Variants in KCTD21 observed in about 807,000 individuals in gnomAD.
The protein encoded by KCTD21 is BTB/POZ domain-containing protein KCTD21.
KCTD21 carries 9 observed loss-of-function variants against 13.2 expected under a neutral mutation model. The ratio of observed to expected loss-of-function variants is 0.68; its 90% CI spans 0.41 to 1.19. The LOEUF (loss-of-function observed/expected upper bound fraction) is 1.19. Ranked by LOEUF, KCTD21 falls within the 50% of genes most tolerant of loss-of-function variation. The pLI is 0.01. For synonymous variants in KCTD21, 142 were observed against 137.4 expected (o/e 1.03, Z -0.23); for missense variants, 303 against 336.5 (o/e 0.90, Z 0.78).
intron 1 of KCTD21, chr11:78,188,104 G>A (rs926887894): frequency 8.1e-6 from 8 of 985,264 alleles, no homozygotes; most frequent in Non-Finnish European, 9.6e-6. Context: ...CCGGCCCAGG[G>A]CTCTCCAGAG....
At chr11:78,186,577 A>G (rs1201783836) in intron 1 of KCTD21, 1 of 454,054 alleles carries the variant, frequency 2.2e-6, no homozygotes, top group Non-Finnish European at 2.9e-6. Flanking sequence ...CAACGGCAAT[A>G]ATAATGGCTA....
chr11:78,186,371 C>CAAAAAAAAAAAA lies in KCTD21; in HGVS notation c.-30+2190_-30+2201dup, dbSNP rs57748403. 5.5e-4 allele frequency among the ~76,000 whole-genome samples: 25 copies of CAAAAAAAAAAAA among 45,814 alleles called. 3 individuals are homozygous for CAAAAAAAAAAAA. The highest frequency in any genetic ancestry group is 1.2e-3 in the African/African-American group (14 of 11,680). The allele number at this position is 45,814 out of a possible 152,430, so 30.1% of individuals were successfully genotyped here. A position where few individuals can be genotyped will look rare whatever the true frequency, so the allele number is the denominator to read the frequency against. On this transcript the variant is annotated intron_variant, in intron 1 of 1. Coordinates refer to ENST00000340067, the MANE Select transcript of KCTD21 (RefSeq NM_001029859.3). Reference sequence around the variant, plus strand: ...TGGGCAACAGAGTAAGACCCTGTCTCAAAAAAAAAAAAAAAAAAAAAAAAA... The same window carrying CAAAAAAAAAAAA: ...TGGGCAACAGAGTAAGACCCTGTCTCAAAAAAAAAAAAAAAAAAAAAAAAAAAAAAAAAAAAA...
Position 78,173,519 on chromosome 11 carries a change from A to G in KCTD21, c.*253T>C. 4.3e-6 allele frequency: 2 copies of G among 466,148 alleles called. No homozygotes were observed. The highest frequency in any genetic ancestry group is 7.7e-6 in the Non-Finnish European group (2 of 258,648). The allele number at this position is 466,148 out of a possible 1,614,324, so 28.9% of individuals were successfully genotyped here. A position where few individuals can be genotyped will look rare whatever the true frequency, so the allele number is the denominator to read the frequency against. ...ATCCTCCTATGGCCTCCTTTAGTACACATCAGCTGACTCTTCACTTGTCAT... is the reference window on the plus strand; with the variant it reads ...ATCCTCCTATGGCCTCCTTTAGTACGCATCAGCTGACTCTTCACTTGTCAT... On this transcript the variant is annotated 3_prime_UTR_variant, in exon 2 of 2. Transcript: ENST00000340067.
chr11:78,180,128 C>T (rs1159160455), intron 1 of KCTD21, among the ~76,000 whole-genome samples: 3 of 152,172 alleles, frequency 2.0e-5, no homozygotes, highest in African/African-American at 7.2e-5. Flanking sequence ...AAAATCTTTG[C>T]AACTGTGGAT....
In KCTD21 at chr11:78,174,525, C is replaced by T; in HGVS notation, c.30G>A (p.Gly10=). 1 of 1,613,290 alleles carries T rather than the reference C, an allele frequency of 6.2e-7. No homozygotes were observed. Residue 10 remains glycine, a synonymous_variant, in exon 2 of 2, where the codon GGG becomes GGA. Coordinates refer to ENST00000340067, the MANE Select transcript of KCTD21 (RefSeq NM_001029859.3). MSDPITLNV[G]GKLYTTSLAT... is the part of the protein sequence containing the mutation. ...CCAGTGAGGTTGTATAGAGCTTCCC[C>T]CCGACGTTCAGCGTGATGGGGTCGG...
intron 1 of KCTD21, chr11:78,187,134 G>A: frequency 1.0e-6 from 1 of 985,386 alleles, no homozygotes; most frequent in Non-Finnish European, 1.2e-6. Context: ...GCACGTGGCT[G>A]GGTAAATTTC....
chr11:78,173,873 G>A lies in KCTD21; in HGVS notation c.682C>T (p.Leu228=). 1 of 1,614,174 alleles carries A rather than the reference G, an allele frequency of 6.2e-7. No individual in the cohort carries two copies. The highest frequency in any genetic ancestry group is 8.5e-7 in the Non-Finnish European group (1 of 1,180,040). The part of the protein sequence containing the change: ...NSFQVFVEEV[L]KIALSDGFCI... Reference sequence around the variant, plus strand: ...AAGCCATCGCTCAGAGCGATTTTCAGTACCTCTTCCACGAAGACCTGGAAG... The same window carrying A: ...AAGCCATCGCTCAGAGCGATTTTCAATACCTCTTCCACGAAGACCTGGAAG... The change falls in exon 2 of 2, where the codon CTG becomes TTG. Residue 228 remains leucine, a synonymous_variant. Coordinates refer to ENST00000340067, the MANE Select transcript of KCTD21 (RefSeq NM_001029859.3).
intron 1 of KCTD21, chr11:78,186,770 G>T (rs1245899122): frequency 2.0e-6 from 2 of 985,472 alleles, no homozygotes; most frequent in Non-Finnish European, 2.4e-6. Context: ...CAAATCCCAT[G>T]CATCGGCCAG....
intron 1 of KCTD21, among the ~76,000 whole-genome samples, chr11:78,179,372 A>T (rs1213549261): frequency 5.9e-5 from 9 of 151,292 alleles, no homozygotes; most frequent in Non-Finnish European, 4.4e-5. Flanking sequence ...CCTAGTCAAG[A>T]CCCTCCACCA....
In KCTD21 at chr11:78,174,289, A is replaced by G. The variant is rs1862378492; in HGVS notation, c.266T>C (p.Val89Ala). 1 of 1,613,948 alleles carries G rather than the reference A, an allele frequency of 6.2e-7. No homozygotes were observed. The highest frequency in any genetic ancestry group is 1.3e-5 in the African/African-American group (1 of 74,898). Residue 89 changes from valine (V) to alanine (A), a missense_variant, in exon 2 of 2, where the codon GTG becomes GCG. Transcript: ENST00000340067. The part of the protein sequence containing the change: ...LLRREADFYQ[V>A]QPLIEALQEK... Reference sequence around the variant, plus strand: ...CTGCAGGGCCTCAATCAGGGGCTGCACCTGGTAGAAGTCGGCCTCCCTGCG... The same window carrying G: ...CTGCAGGGCCTCAATCAGGGGCTGCGCCTGGTAGAAGTCGGCCTCCCTGCG...
intron 1 of KCTD21, chr11:78,188,216 C>T (rs1024130366): frequency 4.1e-6 from 4 of 984,714 alleles, no homozygotes; most frequent in African/African-American, 3.5e-5. Flanking sequence ...AGCCCTACAG[C>T]CCCCACTCCG....
At chr11:78,179,287 G>C (rs1353734161) in intron 1 of KCTD21, among the ~76,000 whole-genome samples, 5 of 151,592 alleles carry the variant, frequency 3.3e-5, no homozygotes, top group Non-Finnish European at 7.4e-5. Context: ...TGCCCATCCA[G>C]GCCTCCCAAA....
chr11:78,176,660 A>T (rs992615106), intron 1 of KCTD21, among the ~76,000 whole-genome samples: 2 of 152,204 alleles, frequency 1.3e-5, no homozygotes, highest in Non-Finnish European at 2.9e-5. Context: ...GACAGGTAGA[A>T]GATGTGGGAG....
chr11:78,173,547 T>C lies in KCTD21; in HGVS notation c.*225A>G, dbSNP rs1862345826. 1.5e-5 allele frequency: 8 copies of C among 534,944 alleles called. No homozygotes were observed. 33.1% of individuals were successfully genotyped at this position (534,944 alleles called of 1,614,324 possible). A position where few individuals can be genotyped will look rare whatever the true frequency, so the allele number is the denominator to read the frequency against. On this transcript the variant is annotated 3_prime_UTR_variant, in exon 2 of 2. Transcript: ENST00000340067. ...TCAGCTGACTCTTCACTTGTCATAATAAACCGCCTGTCTGCAGCTCAAAAT... is the reference window on the plus strand; with the variant it reads ...TCAGCTGACTCTTCACTTGTCATAACAAACCGCCTGTCTGCAGCTCAAAAT...
At chr11:78,188,120 C>T in intron 1 of KCTD21, 2 of 985,428 alleles carry the variant, frequency 2.0e-6, no homozygotes, top group South Asian at 9.4e-5. Context: ...CAGAGCGGGG[C>T]AAGTTCCCTG....
chr11:78,182,229 T>C (rs560186), intron 1 of KCTD21, among the ~76,000 whole-genome samples: 23,973 of 151,932 alleles, frequency 0.16, 2,031 homozygotes, highest in African/African-American at 0.2. Flanking sequence ...TAGGTGGAGG[T>C]TGCAGTGAGC....
In KCTD21 at chr11:78,187,863, G is replaced by A. The variant is rs900592632; in HGVS notation, c.-30+710C>T. On this transcript the variant is annotated intron_variant, in intron 1 of 1. Coordinates refer to ENST00000340067, the MANE Select transcript of KCTD21 (RefSeq NM_001029859.3). ...CCCCGAGTGCAGGGAGAAAAGCAAG[G>A]TCTTTGAAGTAAGGAGTCCTGAGTG... The A allele has an allele frequency of 7.1e-6, 7 of 985,264 alleles. No homozygotes were observed. The African/African-American group carries it at 1.0e-4, about 15-fold the overall frequency. The allele number at this position is 985,264 out of a possible 1,614,324, so 61.0% of individuals were successfully genotyped here.
At chr11:78,181,990 T>C (rs1273145128) in intron 1 of KCTD21, among the ~76,000 whole-genome samples, 1 of 152,206 alleles carries the variant, frequency 6.6e-6, no homozygotes, top group African/African-American at 2.4e-5. Flanking sequence ...CAAAACAATT[T>C]TTTTTGGAAA....
At chr11:78,187,315 T>C (rs1862810353) in intron 1 of KCTD21, 1 of 985,268 alleles carries the variant, frequency 1.0e-6, no homozygotes, top group Non-Finnish European at 1.2e-6. Flanking sequence ...TATAATTCTG[T>C]CTTGCCCAGT....
Sources: gnomAD v4.1 joint callset for allele counts (sites outside exome capture counted in the v4.1 genomes callset) on GRCh38, gnomAD v4.1.1 for gene constraint, MANE v1.5 for transcripts, NCBI Gene and HGNC (gene_info 2026-07-23, HGNC 2026-07-21) for gene names.